The following PEPD variants were observed in gnomAD, a reference collection of about 807,000 sequenced individuals.
PEPD encodes the protein peptidase D, also known as xaa-Pro dipeptidase.
Under a neutral mutation model 60.7 loss-of-function variants are expected in PEPD, and 53 were observed. The observed-to-expected ratio is 0.87, with a 90% CI of 0.70 to 1.10. The LOEUF is 1.10. PEPD is among the 50% of genes least tolerant of loss of function. The pLI is 0.00. For missense variants in PEPD, 711 were observed against 711.9 expected (o/e 1.00, Z 0.01); for synonymous variants, 267 against 284.1 (o/e 0.94, Z 0.60).
chr19:33,504,617 T>A (rs1241803211), intron 3 of PEPD, among the ~76,000 whole-genome samples: 1 of 151,954 alleles, frequency 6.6e-6, no homozygotes, highest in Non-Finnish European at 1.5e-5. Context: ...TACAAAAAAA[T>A]TAGCTGGGTG....
rs111555849 is a variant in PEPD at position 33,391,653 on chromosome 19, C to T, written c.968-174G>A. Among the ~76,000 whole-genome samples the T allele has an allele frequency of 6.9e-4, 105 of 152,280 alleles. 1 individual carries two copies. Among genetic ancestry groups the T allele is most frequent in the Middle Eastern group, 3.4e-3 (1 of 292 alleles). ...CCAGGGGGACAAGGACTAGGGTGGC[C>T]CCCCGTGCTGGGCTTTCCCAGCAAA... is the stretch of plus-strand genomic sequence containing the variant. On this transcript the variant is annotated intron_variant, in intron 12 of 14. Coordinates refer to ENST00000244137, the MANE Select transcript of PEPD (RefSeq NM_000285.4).
intron 12 of PEPD, among the ~76,000 whole-genome samples, chr19:33,399,178 A>G (rs1387735705): frequency 1.3e-5 from 2 of 152,162 alleles, no homozygotes; most frequent in East Asian, 1.9e-4. Context: ...TAGTAGAGAC[A>G]GGGTTTCTCC....
chr19:33,498,441 AC>A (rs1262153366), intron 4 of PEPD, among the ~76,000 whole-genome samples: 4 of 151,914 alleles, frequency 2.6e-5, no homozygotes, highest in East Asian at 3.9e-4. Context: ...CTCCTTCCTC[AC>A]CCCCAGAAAT....
intron 3 of PEPD, among the ~76,000 whole-genome samples, chr19:33,504,912 C>A (rs185197236): frequency 4.2e-4 from 64 of 152,248 alleles, no homozygotes; most frequent in East Asian, 2.9e-3. Context: ...TCGTCCTCCA[C>A]AGGGGTCAGC....
chr19:33,413,440 C>G, intron 10 of PEPD, 135 bp downstream of exon 10: 1 of 656,698 alleles, frequency 1.5e-6, no homozygotes, highest in East Asian at 2.7e-5. Flanking sequence ...GACTTCCAAG[C>G]TTGGGCCGGG....
At chr19:33,394,751 C>A (rs1331736174) in intron 12 of PEPD, among the ~76,000 whole-genome samples, 1 of 152,194 alleles carries the variant, frequency 6.6e-6, no homozygotes, top group East Asian at 1.9e-4. Context: ...CTGGAAGGCA[C>A]CCCCGGCCCC....
intron 9 of PEPD, among the ~76,000 whole-genome samples, chr19:33,458,658 G>A (rs1423355295): frequency 2.2e-5 from 3 of 136,026 alleles, no homozygotes; most frequent in Admixed American, 1.4e-4. Context: ...GTGGTATGTG[G>A]CATGTGTGGT....
intron 10 of PEPD, among the ~76,000 whole-genome samples, chr19:33,413,244 G>C (rs575556433): frequency 2.6e-5 from 4 of 152,346 alleles, no homozygotes; most frequent in South Asian, 2.1e-4. Context: ...CCCACATGCT[G>C]TGTGTGTGCC....
intron 4 of PEPD, among the ~76,000 whole-genome samples, chr19:33,493,836 C>A (rs1198190498): frequency 6.6e-6 from 1 of 152,160 alleles, no homozygotes; most frequent in Non-Finnish European, 1.5e-5. Flanking sequence ...CCCCACAGCC[C>A]ACTCTCTGTC....
chr19:33,438,330 C>T (rs1215813087), intron 9 of PEPD, among the ~76,000 whole-genome samples: 1 of 152,230 alleles, frequency 6.6e-6, no homozygotes, highest in Admixed American at 6.5e-5. Context: ...CTGCAGGGGG[C>T]CCCAGACCAA....
At chr19:33,471,723 G>C (rs1428148729) in intron 7 of PEPD, among the ~76,000 whole-genome samples, 1 of 152,246 alleles carries the variant, frequency 6.6e-6, no homozygotes, top group Non-Finnish European at 1.5e-5. Context: ...TAAGAAGTTT[G>C]AGCAGGCCAG....
chr19:33,506,853 CTCA>C (rs1970823477), intron 3 of PEPD, among the ~76,000 whole-genome samples: 1 of 149,844 alleles, frequency 6.7e-6, no homozygotes, highest in East Asian at 2.0e-4. Context: ...TTCACCCCTC[CTCA>C]TAAACACCCT....
chr19:33,389,950 C>T (rs1030025767), intron 13 of PEPD, among the ~76,000 whole-genome samples: 4 of 152,206 alleles, frequency 2.6e-5, no homozygotes, highest in African/African-American at 9.7e-5. Context: ...GGGGAGGGCA[C>T]GAGCCCCTGT....
intron 3 of PEPD, among the ~76,000 whole-genome samples, chr19:33,509,584 G>A (rs1970882365): frequency 1.3e-5 from 2 of 152,182 alleles, no homozygotes; most frequent in Non-Finnish European, 2.9e-5. Flanking sequence ...TCAGCAGAGA[G>A]CCCAGTCCCT....
intron 6 of PEPD, among the ~76,000 whole-genome samples, chr19:33,479,718 A>G (rs1235583463): frequency 6.6e-6 from 1 of 152,192 alleles, no homozygotes; most frequent in Non-Finnish European, 1.5e-5. Context: ...AACAGCCTCC[A>G]GCTCCATCCA....
At chr19:33,508,607 C>T (rs919500523) in intron 3 of PEPD, among the ~76,000 whole-genome samples, 8 of 152,208 alleles carry the variant, frequency 5.3e-5, no homozygotes, top group Non-Finnish European at 8.8e-5. Flanking sequence ...GTGCTGCTGG[C>T]GGCTGGGGTC....
rs151181225 is a variant in PEPD at position 33,480,840 on chromosome 19, G to GTGTGTGTATA, written c.504-2751_504-2750insTATACACACA. ...TGTGTGTGTGTGTGTGTGTGTGTGT[G>GTGTGTGTATA]TATATCAAAAACCTAACACGTAGCT... On this transcript the variant is annotated intron_variant, in intron 6 of 14. Coordinates refer to ENST00000244137, the MANE Select transcript of PEPD (RefSeq NM_000285.4). Among the ~76,000 whole-genome samples, 501 of 150,970 alleles carry GTGTGTGTATA rather than the reference G, an allele frequency of 3.3e-3. 1 individual carries two copies. Among genetic ancestry groups the GTGTGTGTATA allele is most frequent in the African/African-American group, 7.7e-3 (317 of 41,094 alleles).
chr19:33,408,921 T>C lies in PEPD; in HGVS notation c.818+2751A>G, dbSNP rs544760204. 3.7e-4 allele frequency among the ~76,000 whole-genome samples: 57 copies of C among 152,362 alleles called. No individual in the cohort carries two copies. In the South Asian group the frequency reaches 4.1e-3, roughly 11 times the overall value. On this transcript the variant is annotated intron_variant, in intron 11 of 14. Transcript: ENST00000244137. Reference sequence around the variant, plus strand: ...CAGTAGCAGTAATCAACAAAACATGTTGTTCTAAATGCTGCATAATAAATT... The same window carrying C: ...CAGTAGCAGTAATCAACAAAACATGCTGTTCTAAATGCTGCATAATAAATT...
chr19:33,410,568 G>T (rs1968740606), intron 11 of PEPD, among the ~76,000 whole-genome samples: 1 of 152,216 alleles, frequency 6.6e-6, no homozygotes, highest in African/African-American at 2.4e-5. Flanking sequence ...AGCCATCATG[G>T]GAACTCCCGC....
Sources: gnomAD v4.1 joint callset for allele counts (sites outside exome capture counted in the v4.1 genomes callset) on GRCh38, gnomAD v4.1.1 for gene constraint, MANE v1.5 for transcripts, NCBI Gene and HGNC (gene_info 2026-07-23, HGNC 2026-07-21) for gene names.